Variants in NRG2 observed in about 807,000 individuals in gnomAD.
NRG2 encodes pro-neuregulin-2, membrane-bound isoform.
Under a neutral mutation model 73.9 loss-of-function variants are expected in NRG2, and 27 were observed. The observed-to-expected ratio is 0.37, with a 90% CI of 0.27 to 0.50. The LOEUF (loss-of-function observed/expected upper bound fraction) is 0.50, where lower values mean the gene tolerates loss of function less well. Ranked by LOEUF, NRG2 falls within the 20% of genes least tolerant of loss-of-function variation. The pLI, the probability that NRG2 is intolerant of heterozygous loss-of-function variation, is 0.96. For missense variants in NRG2, 1,126 were observed against 1,210.1 expected (o/e 0.93, Z 1.03); for synonymous variants, 532 against 541.0 (o/e 0.98, Z 0.23).
chr5:140,010,322 T>C (rs973188542), intron 1 of NRG2, among the ~76,000 whole-genome samples: 1 of 152,042 alleles, frequency 6.6e-6, no homozygotes, highest in Admixed American at 6.6e-5. Flanking sequence ...AAATTCTGTA[T>C]GATAGTATAA....
intron 1 of NRG2, among the ~76,000 whole-genome samples, chr5:140,030,598 G>A (rs1204246160): frequency 6.6e-6 from 1 of 152,232 alleles, no homozygotes; most frequent in African/African-American, 2.4e-5. Context: ...ACCATACACA[G>A]TGGAAACCTA....
At chr5:139,929,321 T>A (rs907930864) in intron 1 of NRG2, among the ~76,000 whole-genome samples, 1 of 152,198 alleles carries the variant, frequency 6.6e-6, no homozygotes, top group Non-Finnish European at 1.5e-5. Context: ...AAGAACAGAA[T>A]ATGATGTTGC....
intron 1 of NRG2, among the ~76,000 whole-genome samples, chr5:140,036,205 T>G (rs1228667026): frequency 6.6e-6 from 1 of 152,124 alleles, no homozygotes; most frequent in Non-Finnish European, 1.5e-5. Context: ...TATGCCACAC[T>G]CTCCCAACTA....
Position 139,954,063 on chromosome 5 carries a change from T to G in NRG2, c.701-66552A>C, listed in dbSNP as rs1754434565. Among the ~76,000 whole-genome samples the G allele has an allele frequency of 1.3e-5, 2 of 149,212 alleles. No individual in the cohort carries two copies. Among genetic ancestry groups the G allele is most frequent in the African/African-American group, 2.5e-5 (1 of 40,320 alleles). On this transcript the variant is annotated intron_variant, in intron 1 of 9. Transcript: ENST00000361474. This position sits in a 1 kb window ranked among gnomAD's most constrained non-coding sequence, Gnocchi z 5.0. ...GGAGGCAAGGGGCAGGGTGTGGGGG[T>G]GGCTGGAAGCTGAAAAAAAGAGACC...
chr5:139,847,952 G>T lies in NRG2; in HGVS notation c.2518C>A (p.Pro840Thr). Residue 840 changes from proline to threonine, a missense_variant, in exon 10 of 10, where the codon CCC becomes ACC. Physicochemically the swap from Pro to Thr is conservative, Grantham distance 38. Transcript: ENST00000361474. The part of the protein sequence containing the change: ...RASSRHSRGP[P>T]PRAKQDSAPL The stretch of plus-strand genomic sequence containing the variant: ...GCCGAGTCCTGCTTGGCCCGCGGGG[G>T]CGGCCCGCGGCTGTGTCTGCTGCTG... 6.6e-7 allele frequency: 1 copy of T among 1,507,222 alleles called. No homozygotes were observed. The highest frequency in any genetic ancestry group is 2.7e-5 in the East Asian group (1 of 36,420). The allele number at this position is 1,507,222 out of a possible 1,614,324, so 93.4% of individuals were successfully genotyped here. A position where few individuals can be genotyped will look rare whatever the true frequency, so the allele number is the denominator to read the frequency against.
Position 139,865,266 on chromosome 5 carries a change from GGGTTCCTTGCC to G in NRG2, c.1189+272_1189+282del, listed in dbSNP as rs1317899141. The G allele has an allele frequency of 1.2e-5, 13 of 1,059,606 alleles. No homozygotes were observed. Among genetic ancestry groups the G allele is most frequent in the Non-Finnish European group, 1.9e-5 (13 of 684,936 alleles). The allele number at this position is 1,059,606 out of a possible 1,614,324, so 65.6% of individuals were successfully genotyped here. ...GCACGGGCTCCTGCCAATGCCAGCT[GGGTTCCTTGCC>G]ACCGTTACCATTTGTATTGGCCTTG... On this transcript the variant is annotated intron_variant, in intron 5 of 9. Transcript: ENST00000361474. The surrounding 1 kb of genome is among the most constrained non-coding windows in gnomAD (Gnocchi z 5.2).
At chr5:139,905,683 T>TG (rs11301435) in intron 1 of NRG2, among the ~76,000 whole-genome samples, 1,970 of 82,618 alleles carry the variant, frequency 0.024, 25 homozygotes, top group East Asian at 0.09. Flanking sequence ...CCAGCTCTGG[T>TG]GGGGGGGGGG....
At chr5:139,866,825 T>C (rs1197328215) in intron 4 of NRG2, among the ~76,000 whole-genome samples, 1 of 152,192 alleles carries the variant, frequency 6.6e-6, no homozygotes, top group African/African-American at 2.4e-5. Context: ...GAATCTCAGA[T>C]TTCTTGCAGA....
intron 1 of NRG2, among the ~76,000 whole-genome samples, chr5:140,034,087 T>C (rs1761338375): frequency 6.6e-6 from 1 of 152,122 alleles, no homozygotes; most frequent in Non-Finnish European, 1.5e-5. Context: ...GCCTCCCCAG[T>C]AGCTGGGACT....
chr5:139,986,099 G>A (rs1416731380), intron 1 of NRG2, among the ~76,000 whole-genome samples: 1 of 152,194 alleles, frequency 6.6e-6, no homozygotes, highest in Non-Finnish European at 1.5e-5. Context: ...ACAGAATCTG[G>A]AGCTTCGTCA....
chr5:139,988,233 T>C (rs1033182462), intron 1 of NRG2, among the ~76,000 whole-genome samples: 1 of 152,062 alleles, frequency 6.6e-6, no homozygotes. Context: ...CTTTGGAAGA[T>C]AGTTTGACAG....
intron 1 of NRG2, among the ~76,000 whole-genome samples, chr5:139,933,845 C>G (rs998470734): frequency 6.6e-6 from 1 of 152,154 alleles, no homozygotes; most frequent in Non-Finnish European, 1.5e-5. Context: ...GCCGTAAAAG[C>G]AAATCTCAGT....
chr5:139,884,475 C>T (rs866284004), intron 2 of NRG2, among the ~76,000 whole-genome samples: 21 of 152,136 alleles, frequency 1.4e-4, no homozygotes, highest in African/African-American at 4.8e-4. Context: ...CGGAAGAGCC[C>T]CAAGGCTGTA....
At chr5:140,010,221 C>T (rs1253830556) in intron 1 of NRG2, among the ~76,000 whole-genome samples, 1 of 152,072 alleles carries the variant, frequency 6.6e-6, no homozygotes, top group Admixed American at 6.6e-5. Flanking sequence ...TTGCTTGAAC[C>T]CAGGAGGTGG....
At position 139,848,168 on chromosome 5, in the gene NRG2, C is replaced by G; in HGVS notation, c.2302G>C (p.Gly768Arg). The change falls in exon 10 of 10, where the codon GGC (glycine) becomes CGC (arginine). Residue 768 changes from glycine (G) to arginine (R), a missense_variant. Physicochemically the swap from Gly to Arg is moderately radical, Grantham distance 125. This residue lies in a region of NRG2 where 402 missense variants were observed against 357.8 expected (regional missense o/e 1.12). Coordinates refer to ENST00000361474, the MANE Select transcript of NRG2 (RefSeq NM_004883.3). ...GCCGAGGCTGAGCCGCCGCCCGAGC[C>G]GCTGCTCAGCGACAGCGAGTCCCTC... ...AARDSLSLSSGSGGGSASASD... is the reference protein window; with the variant it reads ...AARDSLSLSSRSGGGSASASD... 7 of 1,428,522 alleles carry G rather than the reference C, an allele frequency of 4.9e-6. No homozygotes were observed. The highest frequency in any genetic ancestry group is 6.4e-6 in the Non-Finnish European group (7 of 1,097,498). The allele number at this position is 1,428,522 out of a possible 1,614,324, so 88.5% of individuals were successfully genotyped here.
intron 3 of NRG2, among the ~76,000 whole-genome samples, chr5:139,875,724 C>CA (rs1245806263): frequency 5.9e-5 from 9 of 152,114 alleles, no homozygotes; most frequent in African/African-American, 2.2e-4. Flanking sequence ...ACCAGGAGTT[C>CA]AAGACCAGCC....
At chr5:139,965,730 A>G (rs1181753916) in intron 1 of NRG2, among the ~76,000 whole-genome samples, 2 of 152,178 alleles carry the variant, frequency 1.3e-5, no homozygotes, top group Non-Finnish European at 2.9e-5. Flanking sequence ...CGTCACCCCA[A>G]TTGCAGACAG....
chr5:139,881,843 C>A (rs1763545908), intron 2 of NRG2, among the ~76,000 whole-genome samples: 1 of 152,178 alleles, frequency 6.6e-6, no homozygotes, highest in Admixed American at 6.5e-5. Context: ...GGCACCTGGC[C>A]TTGGTCCCCC....
chr5:139,968,974 C>A (rs1005451423), intron 1 of NRG2, among the ~76,000 whole-genome samples: 3 of 152,256 alleles, frequency 2.0e-5, no homozygotes, highest in African/African-American at 7.2e-5. Flanking sequence ...CGCGTTCAGG[C>A]AGGTAATGCC....
Sources: gnomAD v4.1 joint callset for allele counts (sites outside exome capture counted in the v4.1 genomes callset) on GRCh38, gnomAD v4.1.1 for gene constraint, gnomAD v4.1.1 regional missense constraint, Gnocchi (gnomAD v3.1) non-coding constraint, MANE v1.5 for transcripts, NCBI Gene and HGNC (gene_info 2026-07-23, HGNC 2026-07-21) for gene names.